The following PRICKLE1 variants were observed in gnomAD, a reference collection of about 807,000 sequenced individuals.
PRICKLE1 encodes the protein prickle planar cell polarity protein 1.
PRICKLE1 carries 14 observed loss-of-function variants against 70.2 expected under a neutral mutation model. That is an observed-to-expected ratio of 0.20 (90% CI 0.13 to 0.31). The LOEUF (loss-of-function observed/expected upper bound fraction) is 0.31. PRICKLE1 is among the 10% of genes least tolerant of loss of function. PRICKLE1 has a pLI of 1.00. For missense variants in PRICKLE1, 821 were observed against 1,026.2 expected (o/e 0.80, Z 2.73); for synonymous variants, 357 against 379.9 (o/e 0.94, Z 0.70).
chr12:42,578,998 G>T (rs1419851094), intron 1 of PRICKLE1, among the ~76,000 whole-genome samples: 3 of 152,092 alleles, frequency 2.0e-5, no homozygotes, highest in African/African-American at 7.2e-5. Context: ...CCTGACCTCA[G>T]GTGATCTGCC....
chr12:42,475,861 G>A (rs551319103), intron 1 of PRICKLE1, among the ~76,000 whole-genome samples: 1 of 151,740 alleles, frequency 6.6e-6, no homozygotes, highest in African/African-American at 2.4e-5. Context: ...GGGAGGCTGG[G>A]GGGGGGCGGG....
chr12:42,459,024 G>T lies in PRICKLE1; in HGVS notation c.*785C>A. ...TTCCATCACTAGGCAATGTAAATTTGACCATCTACATTTATAAACCCTGAC... is the reference window on the plus strand; with the variant it reads ...TTCCATCACTAGGCAATGTAAATTTTACCATCTACATTTATAAACCCTGAC... On this transcript the variant is annotated 3_prime_UTR_variant, in exon 8 of 8. Coordinates refer to ENST00000345127, the MANE Select transcript of PRICKLE1 (RefSeq NM_153026.3). The T allele has an allele frequency of 2.8e-6, 1 of 353,888 alleles. No individual in the cohort carries two copies. The highest frequency in any genetic ancestry group is 5.1e-6 in the Non-Finnish European group (1 of 194,316). The allele number at this position is 353,888 out of a possible 1,614,324, so 21.9% of individuals were successfully genotyped here.
intron 1 of PRICKLE1, among the ~76,000 whole-genome samples, chr12:42,510,121 G>T (rs2120382954): frequency 6.6e-6 from 1 of 151,704 alleles, no homozygotes; most frequent in Admixed American, 6.5e-5. Context: ...TTGAGACGGA[G>T]TCTCCCTCTG....
chr12:42,568,775 T>C (rs1463566158), intron 1 of PRICKLE1, among the ~76,000 whole-genome samples: 1 of 152,236 alleles, frequency 6.6e-6, no homozygotes, highest in African/African-American at 2.4e-5. Context: ...AGTCTTTTAG[T>C]GTAGCCATCA....
chr12:42,483,131 G>A (rs1430849500), intron 1 of PRICKLE1: 1 of 152,742 alleles, frequency 6.5e-6, no homozygotes, highest in African/African-American at 2.4e-5. Flanking sequence ...TAGAACAGTC[G>A]CCTTCGAATT....
At chr12:42,528,223 G>C (rs1465078158) in intron 1 of PRICKLE1, among the ~76,000 whole-genome samples, 2 of 151,914 alleles carry the variant, frequency 1.3e-5, no homozygotes, top group Non-Finnish European at 2.9e-5. Context: ...TGAGACTACA[G>C]TTGTGCACCA....
intron 3 of PRICKLE1, 109 bp from the exon 4 acceptor site, chr12:42,469,696 C>G: frequency 7.2e-7 from 1 of 1,396,662 alleles, no homozygotes; most frequent in Non-Finnish European, 1.0e-6. Context: ...GTTTAGCTCG[C>G]CTGTGTCACA....
chr12:42,505,649 T>C (rs1311476873), intron 1 of PRICKLE1, among the ~76,000 whole-genome samples: 1 of 152,202 alleles, frequency 6.6e-6, no homozygotes, highest in Non-Finnish European at 1.5e-5. Context: ...TTGGTCAGGC[T>C]GGTCTGAAAC....
At chr12:42,511,602 C>T (rs770885428) in intron 1 of PRICKLE1, among the ~76,000 whole-genome samples, 1 of 152,126 alleles carries the variant, frequency 6.6e-6, no homozygotes, top group South Asian at 2.1e-4. Context: ...AAATCAGGTT[C>T]CACAGGAGAG....
At chr12:42,495,594 T>C (rs942426094) in intron 1 of PRICKLE1, among the ~76,000 whole-genome samples, 18 of 151,852 alleles carry the variant, frequency 1.2e-4, no homozygotes, top group African/African-American at 4.4e-4. Flanking sequence ...AAGTTTCTTT[T>C]TTTTTTTTCT....
chr12:42,547,805 T>C (rs1432399356), intron 1 of PRICKLE1, among the ~76,000 whole-genome samples: 1 of 152,214 alleles, frequency 6.6e-6, no homozygotes, highest in African/African-American at 2.4e-5. Flanking sequence ...AGGTTACACA[T>C]TCATAGTACA....
chr12:42,460,011 G>A lies in PRICKLE1; in HGVS notation c.2294C>T (p.Ser765Phe), dbSNP rs747655113. Residue 765 changes from serine to phenylalanine, a missense_variant, in exon 8 of 8, where the codon TCC (serine) becomes TTC (phenylalanine). Physicochemically the swap from Ser to Phe is radical, Grantham distance 155. Coordinates refer to ENST00000345127, the MANE Select transcript of PRICKLE1 (RefSeq NM_153026.3). Reference sequence around the variant, plus strand: ...TTCCGAGTCGGAAGAGGAGGAGGAGGAAGAACACCAGGAATCATCATCCTC... The same window carrying A: ...TTCCGAGTCGGAAGAGGAGGAGGAGAAAGAACACCAGGAATCATCATCCTC... ...YGEDDDSWCS[S>F]SSSSSDSEEE... 1.9e-6 allele frequency: 3 copies of A among 1,614,044 alleles called. No homozygotes were observed. The Admixed American group carries it at 5.0e-5, about 27-fold the overall frequency.
intron 1 of PRICKLE1, among the ~76,000 whole-genome samples, chr12:42,560,995 C>T (rs1392419052): frequency 6.6e-6 from 1 of 152,194 alleles, no homozygotes; most frequent in Admixed American, 6.5e-5. Context: ...ATCCTTCCCT[C>T]TTCCTTGAGG....
At chr12:42,479,754 G>A (rs755255245) in intron 1 of PRICKLE1, among the ~76,000 whole-genome samples, 2 of 152,002 alleles carry the variant, frequency 1.3e-5, no homozygotes, top group African/African-American at 2.4e-5. Flanking sequence ...TCAGGAGTTC[G>A]AGACCAGCCT....
chr12:42,522,590 G>A (rs1203767109), intron 1 of PRICKLE1, among the ~76,000 whole-genome samples: 3 of 152,132 alleles, frequency 2.0e-5, no homozygotes, highest in Non-Finnish European at 4.4e-5. Flanking sequence ...TCTAAAAATT[G>A]GAAAATGAGA....
At chr12:42,534,958 A>G (rs1243642866) in intron 1 of PRICKLE1, among the ~76,000 whole-genome samples, 1 of 152,168 alleles carries the variant, frequency 6.6e-6, no homozygotes, top group East Asian at 1.9e-4. Context: ...CTTTTCTCTA[A>G]TAAAAATAAT....
chr12:42,567,008 A>G (rs1940631548), intron 1 of PRICKLE1, among the ~76,000 whole-genome samples: 1 of 152,206 alleles, frequency 6.6e-6, no homozygotes, highest in Non-Finnish European at 1.5e-5. Flanking sequence ...TAATATTACT[A>G]TTTTAAATAA....
In PRICKLE1 at chr12:42,464,645, T is replaced by C; in HGVS notation, c.1389A>G (p.Ala463=). Residue 463 remains alanine, a synonymous_variant, in exon 7 of 8, where the codon GCA becomes GCG. Transcript: ENST00000345127. The surrounding 1 kb of genome is among the most constrained non-coding windows in gnomAD (Gnocchi z 4.2). ...TELKQNNQSL[A]SKKYQSDMYW... ...ACATATCAGACTGGTATTTTTTACT[T>C]GCAAGGCTCTGGTTATTTTGCTTTA... 6.2e-7 allele frequency: 1 copy of C among 1,614,070 alleles called. No homozygotes were observed. The highest frequency in any genetic ancestry group is 8.5e-7 in the Non-Finnish European group (1 of 1,180,018).
chr12:42,505,114 G>T (rs1448517139), intron 1 of PRICKLE1, among the ~76,000 whole-genome samples: 1 of 152,102 alleles, frequency 6.6e-6, no homozygotes, highest in Admixed American at 6.5e-5. Context: ...ACTCCAGCCT[G>T]GGCAACAGAG....
Sources: allele counts gnomAD v4.1 joint callset (sites outside exome capture counted in the v4.1 genomes callset), GRCh38; gene constraint gnomAD v4.1.1; non-coding constraint Gnocchi (gnomAD v3.1); transcripts MANE v1.5; gene names NCBI Gene and HGNC (gene_info 2026-07-23, HGNC 2026-07-21).